The following ROS1 variants were observed in gnomAD, a reference collection of about 807,000 sequenced individuals.
ROS1 encodes proto-oncogene tyrosine-protein kinase ROS.
Under a neutral mutation model 273.5 loss-of-function variants are expected in ROS1, and 263 were observed. The observed-to-expected ratio is 0.96, with a 90% CI of 0.87 to 1.06. The LOEUF is 1.06. Among genes scored for constraint, ROS1 ranks in the 50% least tolerant of loss-of-function variants. The pLI is 0.00. For missense variants in ROS1, 2,833 were observed against 2,751.1 expected (o/e 1.03, Z -0.67); for synonymous variants, 1,008 against 954.1 (o/e 1.06, Z -1.04).
chr6:117,402,888 CAAAAA>C (rs10617636), intron 7 of ROS1, among the ~76,000 whole-genome samples: 8 of 113,900 alleles, frequency 7.0e-5, no homozygotes, highest in South Asian at 2.7e-4. Flanking sequence ...ACTCTGTCTC[CAAAAA>C]AAAAAAAAAA....
rs1338845414 is a variant in ROS1 at position 117,379,058 on chromosome 6, C to T, written c.2582+1G>A. The T allele has an allele frequency of 6.3e-7, 1 of 1,591,908 alleles. No homozygotes were observed. The highest frequency in any genetic ancestry group is 1.3e-5 in the African/African-American group (1 of 74,336). On this transcript the variant is annotated splice_donor_variant, in intron 18 of 43. Coordinates refer to ENST00000368507, the MANE Select transcript of ROS1 (RefSeq NM_001378902.1). LOFTEE classifies it high-confidence loss of function. ...AATTGCCTTTGAGGGACTCTACTTACCTCTGTCCCCGAAGAACAGCTGTGT... is the reference window on the plus strand; with the variant it reads ...AATTGCCTTTGAGGGACTCTACTTATCTCTGTCCCCGAAGAACAGCTGTGT...
At chr6:117,378,825 A>G (rs13211635) in intron 18 of ROS1, among the ~76,000 whole-genome samples, 9,820 of 152,200 alleles carry the variant, frequency 0.065, 381 homozygotes, top group Middle Eastern at 0.099. Context: ...TGGGCTCTTA[A>G]GCAGCATTCT....
intron 7 of ROS1, among the ~76,000 whole-genome samples, chr6:117,398,245 A>T (rs1019156673): frequency 6.6e-6 from 1 of 151,826 alleles, no homozygotes; most frequent in African/African-American, 2.4e-5. Context: ...ACATGGCAAG[A>T]TGCGATCATT....
chr6:117,360,721 T>A (rs915197536), intron 22 of ROS1, among the ~76,000 whole-genome samples: 31 of 152,158 alleles, frequency 2.0e-4, no homozygotes, highest in Non-Finnish European at 4.1e-4. Context: ...GTCTAATTAA[T>A]TCAATTGTGA....
chr6:117,405,209 CCTGGGACCTTACT>C (rs1006172621), intron 5 of ROS1, among the ~76,000 whole-genome samples: 12 of 152,142 alleles, frequency 7.9e-5, no homozygotes, highest in African/African-American at 2.9e-4. Context: ...ATTACAAACT[CCTGGGACCTTACT>C]CTGGTTAAGA....
intron 24 of ROS1, among the ~76,000 whole-genome samples, chr6:117,358,603 G>A (rs1779525571): frequency 6.6e-6 from 1 of 152,008 alleles, no homozygotes; most frequent in South Asian, 2.1e-4. Context: ...GAGACTACAG[G>A]TGCGCACCAC....
chr6:117,354,909 TGA>T (rs1450340577), intron 26 of ROS1, among the ~76,000 whole-genome samples: 9 of 152,018 alleles, frequency 5.9e-5, no homozygotes, highest in African/African-American at 2.4e-5. Flanking sequence ...AGAAACTGAG[TGA>T]GGAAGTCATT....
chr6:117,328,500 C>A (rs2128590077), intron 33 of ROS1: 2 of 355,690 alleles, frequency 5.6e-6, no homozygotes, highest in Non-Finnish European at 1.1e-5. Context: ...GAAATAAGGG[C>A]CAAGGGAATT....
chr6:117,383,581 C>G (rs1772331215), intron 16 of ROS1, 73 bp from the exon 17 acceptor site: 2 of 1,141,226 alleles, frequency 1.8e-6, no homozygotes, highest in African/African-American at 3.0e-5. Context: ...TTATTGCAAT[C>G]ATTAATAAAT....
chr6:117,352,846 G>T, intron 27 of ROS1, 144 bp downstream of exon 27: 1 of 682,094 alleles, frequency 1.5e-6, no homozygotes, highest in Non-Finnish European at 2.4e-6. Flanking sequence ...CAATCACAGT[G>T]CACACAGAAG....
chr6:117,304,768 G>A (rs932003466), intron 42 of ROS1, among the ~76,000 whole-genome samples: 4 of 152,176 alleles, frequency 2.6e-5, no homozygotes, highest in African/African-American at 9.7e-5. Context: ...CAAATCTCAT[G>A]TAGAATTGTA....
intron 38 of ROS1, among the ~76,000 whole-genome samples, chr6:117,317,676 A>G (rs1776014280): frequency 6.6e-6 from 1 of 152,148 alleles, no homozygotes; most frequent in Non-Finnish European, 1.5e-5. Flanking sequence ...TTCTCAAGAC[A>G]TCAAACCAAG....
chr6:117,324,222 T>C, intron 35 of ROS1, 110 bp downstream of exon 35: 1 of 646,496 alleles, frequency 1.5e-6, no homozygotes, highest in Non-Finnish European at 2.8e-6. Context: ...TTTTATTAAC[T>C]TAATCAGGCA....
chr6:117,356,668 A>T lies in ROS1; in HGVS notation c.4087T>A (p.Cys1363Ser), dbSNP rs774895292. 3.7e-6 allele frequency: 6 copies of T among 1,614,124 alleles called. 1 individual carries two copies. In the South Asian group the frequency reaches 6.6e-5, roughly 18 times the overall value. The change falls in exon 26 of 44, where the codon TGT (cysteine) becomes AGT (serine). Residue 1363 changes from cysteine to serine, a missense_variant. By Grantham distance (112) the Cys-to-Ser change is moderately radical. Coordinates refer to ENST00000368507, the MANE Select transcript of ROS1 (RefSeq NM_001378902.1). ...ACTGTGATAACTCTCCAACACTGAC[A>T]GCCTTCCAGATCCATTGCCCAGATC... Reference protein sequence around the residue: ...QEIWAMDLEGCQCWRVITVPA... With the variant: ...QEIWAMDLEGSQCWRVITVPA...
At chr6:117,399,459 G>C (rs1423550538) in intron 7 of ROS1, among the ~76,000 whole-genome samples, 2 of 152,218 alleles carry the variant, frequency 1.3e-5, no homozygotes, top group African/African-American at 4.8e-5. Flanking sequence ...TGACAAGCAA[G>C]GAGAGAGCAA....
intron 26 of ROS1, 34 bp downstream of exon 26, chr6:117,356,595 A>T (rs763308951): frequency 1.3e-5 from 20 of 1,576,706 alleles, no homozygotes; most frequent in Non-Finnish European, 8.6e-7. Flanking sequence ...TGCTCTTATT[A>T]ACAAATATCT....
chr6:117,369,973 A>G (rs1394959689), intron 18 of ROS1, among the ~76,000 whole-genome samples: 1 of 152,174 alleles, frequency 6.6e-6, no homozygotes, highest in Non-Finnish European at 1.5e-5. Context: ...ATATGTATAT[A>G]CATATATGTA....
Position 117,404,290 on chromosome 6 carries a change from G to A in ROS1, c.455C>T (p.Thr152Ile), listed in dbSNP as rs2128726284. Residue 152 changes from threonine (T) to isoleucine (I), a missense_variant, in exon 6 of 44, where the codon ACT becomes ATT. Coordinates refer to ENST00000368507, the MANE Select transcript of ROS1 (RefSeq NM_001378902.1). ...GGCAGCCTTTCATACCTTAGTATAAGTCCAGCTTCCCAGAAGTTGTGCATA... is the reference window on the plus strand; with the variant it reads ...GGCAGCCTTTCATACCTTAGTATAAATCCAGCTTCCCAGAAGTTGTGCATA... ...WKYAQLLGSW[T>I]YTKTVSRPSY... 1 of 1,613,796 alleles carries A rather than the reference G, an allele frequency of 6.2e-7. No individual in the cohort carries two copies. Among genetic ancestry groups the A allele is most frequent in the African/African-American group, 1.3e-5 (1 of 74,990 alleles).
At chr6:117,394,081 T>G in intron 11 of ROS1, 81 bp downstream of exon 11, 1 of 861,230 alleles carries the variant, frequency 1.2e-6, no homozygotes, top group South Asian at 2.2e-5. Context: ...ATAAGGCAAT[T>G]GTGTTTAGTA....
Sources: allele counts gnomAD v4.1 joint callset (sites outside exome capture counted in the v4.1 genomes callset), GRCh38; gene constraint gnomAD v4.1.1; transcripts MANE v1.5; gene names NCBI Gene and HGNC (gene_info 2026-07-23, HGNC 2026-07-21).